CCDC171: variants seen among roughly 807,000 people sequenced by gnomAD.
CCDC171 encodes coiled-coil domain-containing protein 171.
In CCDC171, 177 loss-of-function variants were observed where a neutral mutation model predicts 168.2. The ratio of observed to expected loss-of-function variants is 1.05; its 90% confidence interval spans 0.93 to 1.19. CCDC171 has a LOEUF of 1.19. Ranked by LOEUF, CCDC171 falls within the 50% of genes most tolerant of loss-of-function variation. The pLI, the probability that CCDC171 is intolerant of heterozygous loss-of-function variation, is 0.00. For synonymous variants in CCDC171, 687 were observed against 540.8 expected (o/e 1.27, Z -3.75); for missense variants, 1,991 against 1,539.0 (o/e 1.29, Z -4.91).
intron 21 of CCDC171, among the ~76,000 whole-genome samples, chr9:15,806,424 G>A (rs1385007319): frequency 6.6e-6 from 1 of 152,106 alleles, no homozygotes; most frequent in African/African-American, 2.4e-5. Context: ...TGTAACACAG[G>A]TCTGGTGGTA....
chr9:15,566,607 C>T (rs985767995), intron 2 of CCDC171, among the ~76,000 whole-genome samples: 1 of 152,172 alleles, frequency 6.6e-6, no homozygotes. Context: ...AAACATTTTT[C>T]TCCTGTTTAG....
intron 23 of CCDC171, among the ~76,000 whole-genome samples, chr9:15,865,540 C>G (rs1359704848): frequency 6.6e-6 from 1 of 151,962 alleles, no homozygotes; most frequent in Non-Finnish European, 1.5e-5. Context: ...GCCTATTCAA[C>G]ATGAAGAATA....
intron 21 of CCDC171, among the ~76,000 whole-genome samples, chr9:15,790,950 G>A (rs377435235): frequency 1.1e-4 from 16 of 152,106 alleles, no homozygotes; most frequent in South Asian, 2.1e-4. Flanking sequence ...TGTTCCATTG[G>A]TCTATATCTC....
chr9:16,090,351 G>A, the CCDC171 span, among the ~76,000 whole-genome samples: 1 of 152,124 alleles, frequency 6.6e-6, no homozygotes, highest in Non-Finnish European at 1.5e-5. Context: ...TCACTCATAA[G>A]TGGGAGCTGA....
At chr9:15,746,773 G>A (rs1310335909) in intron 18 of CCDC171, among the ~76,000 whole-genome samples, 2 of 152,204 alleles carry the variant, frequency 1.3e-5, no homozygotes, top group Non-Finnish European at 2.9e-5. Context: ...AGCCCACGGA[G>A]GGTGAGCTGA....
chr9:15,997,546 G>A (rs978698617), intron 3 of CCDC171, among the ~76,000 whole-genome samples: 1 of 152,190 alleles, frequency 6.6e-6, no homozygotes, highest in Non-Finnish European at 1.5e-5. Context: ...GGATTCTACT[G>A]GGCCTTTCTT....
At chr9:15,924,175 G>C (rs1474754895) in intron 25 of CCDC171, among the ~76,000 whole-genome samples, 1 of 151,466 alleles carries the variant, frequency 6.6e-6, no homozygotes, top group African/African-American at 2.4e-5. Flanking sequence ...CTGGAAATGG[G>C]TCATGTGGCC....
chr9:15,719,416 AAGAGAGAGAGAG>A (rs145961792), intron 11 of CCDC171, among the ~76,000 whole-genome samples: 5 of 7,464 alleles, frequency 6.7e-4, no homozygotes, highest in African/African-American at 1.3e-3. Flanking sequence ...GGGCGGGGGA[AAGAGAGAGAGAG>A]AGAGAGAGAG....
chr9:15,631,336 G>A (rs2045674797), intron 7 of CCDC171, among the ~76,000 whole-genome samples: 1 of 151,648 alleles, frequency 6.6e-6, no homozygotes, highest in South Asian at 2.1e-4. Context: ...ATGATAAAGG[G>A]GATATCACCA....
At chr9:15,585,797 G>C (rs1350234189) in intron 4 of CCDC171, among the ~76,000 whole-genome samples, 2 of 152,072 alleles carry the variant, frequency 1.3e-5, no homozygotes, top group Non-Finnish European at 2.9e-5. Context: ...GACCAACATA[G>C]TGAAACCCCA....
intron 10 of CCDC171, among the ~76,000 whole-genome samples, chr9:15,690,643 C>G (rs1221572356): frequency 1.3e-5 from 2 of 152,082 alleles, no homozygotes; most frequent in Non-Finnish European, 2.9e-5. Flanking sequence ...CTAAAGCATA[C>G]TATTGATTTG....
At chr9:15,684,094 C>A (rs2050220626) in intron 10 of CCDC171, among the ~76,000 whole-genome samples, 2 of 152,014 alleles carry the variant, frequency 1.3e-5, no homozygotes, top group Admixed American at 1.3e-4. Flanking sequence ...CATACAAATG[C>A]ATTGTGCATA....
intron 25 of CCDC171, among the ~76,000 whole-genome samples, chr9:15,931,378 G>A (rs564820331): frequency 4.8e-5 from 7 of 146,152 alleles, no homozygotes; most frequent in Non-Finnish European, 7.5e-5. Flanking sequence ...TTATCTACTT[G>A]TATGTCTTCT....
chr9:15,592,354 A>G (rs2042063991), intron 5 of CCDC171, among the ~76,000 whole-genome samples: 1 of 152,102 alleles, frequency 6.6e-6, no homozygotes. Context: ...CAAAAAAGCA[A>G]AAAAACAAAA....
chr9:15,632,635 T>C (rs1034863162), intron 7 of CCDC171, among the ~76,000 whole-genome samples: 9 of 152,158 alleles, frequency 5.9e-5, no homozygotes, highest in African/African-American at 2.2e-4. Flanking sequence ...CCCATCAAGC[T>C]ACCAATGACT....
chr9:15,622,786 A>G (rs993466427), intron 6 of CCDC171, among the ~76,000 whole-genome samples: 9 of 152,226 alleles, frequency 5.9e-5, no homozygotes, highest in African/African-American at 2.2e-4. Flanking sequence ...GAAATGAAAC[A>G]CAGCCATCTA....
chr9:15,879,831 A>G (rs1455973847), intron 24 of CCDC171, among the ~76,000 whole-genome samples: 2 of 152,130 alleles, frequency 1.3e-5, no homozygotes, highest in Non-Finnish European at 2.9e-5. Context: ...CCTGGAATAA[A>G]TTAGTAGAAT....
chr9:15,795,542 T>C (rs1045851689), intron 21 of CCDC171, among the ~76,000 whole-genome samples: 7 of 152,148 alleles, frequency 4.6e-5, no homozygotes, highest in African/African-American at 1.7e-4. Flanking sequence ...TGATGAGGAC[T>C]CAACACCAAA....
chr9:16,096,000 T>A, the CCDC171 span, among the ~76,000 whole-genome samples: 1 of 151,780 alleles, frequency 6.6e-6, no homozygotes, highest in Non-Finnish European at 1.5e-5. Context: ...GTTCTATGTT[T>A]CTATACACTG....
Sources: allele counts gnomAD v4.1 joint callset (sites outside exome capture counted in the v4.1 genomes callset), GRCh38; gene constraint gnomAD v4.1.1; transcripts MANE v1.5; gene names NCBI Gene and HGNC (gene_info 2026-07-23, HGNC 2026-07-21).